The following DISP1 variants were observed in gnomAD, a reference collection of about 807,000 sequenced individuals.
DISP1 encodes dispatched RND transporter family member 1.
DISP1 carries 30 observed loss-of-function variants against 37.3 expected under a neutral mutation model. The ratio of observed to expected loss-of-function variants is 0.80; its 90% confidence interval spans 0.60 to 1.09. The LOEUF (loss-of-function observed/expected upper bound fraction) is 1.09, where lower values mean the gene tolerates loss of function less well. Ranked by LOEUF, DISP1 falls within the 50% of genes least tolerant of loss-of-function variation. The pLI is 0.00. For synonymous variants in DISP1, 634 were observed against 690.2 expected (o/e 0.92, Z 1.28); for missense variants, 1,598 against 1,879.5 (o/e 0.85, Z 2.77).
chr1:222,881,358 G>C (rs1353142942), intron 1 of DISP1, among the ~76,000 whole-genome samples: 1 of 152,044 alleles, frequency 6.6e-6, no homozygotes, highest in Admixed American at 6.5e-5. Flanking sequence ...ACCACGCCTG[G>C]CTAATTTTGT....
At chr1:222,921,108 G>A (rs1672785555) in intron 1 of DISP1, among the ~76,000 whole-genome samples, 1 of 152,100 alleles carries the variant, frequency 6.6e-6, no homozygotes. Context: ...TCAGGAGTTC[G>A]AGACCACCCT....
At chr1:222,951,126 A>G (rs184312030) in intron 3 of DISP1, among the ~76,000 whole-genome samples, 72 of 152,346 alleles carry the variant, frequency 4.7e-4, no homozygotes, top group African/African-American at 1.5e-3. Flanking sequence ...AGAGCTATAC[A>G]GAGTTAAGAA....
chr1:222,888,232 A>G (rs1670742830), intron 1 of DISP1, among the ~76,000 whole-genome samples: 3 of 152,200 alleles, frequency 2.0e-5, no homozygotes, highest in African/African-American at 7.2e-5. Flanking sequence ...AATGGAAAGA[A>G]AGTCTCGCTA....
At chr1:223,000,924 G>A (rs566028870) in intron 8 of DISP1, among the ~76,000 whole-genome samples, 42 of 152,126 alleles carry the variant, frequency 2.8e-4, no homozygotes, top group Non-Finnish European at 5.7e-4. Context: ...GAACTTTGGA[G>A]TTTCTTCCCT....
rs1679560169 is a variant in DISP1, at chr1:223,002,772, G to A, written c.1375G>A (p.Glu459Lys). 2 of 1,614,036 alleles carry A rather than the reference G, an allele frequency of 1.2e-6. No homozygotes were observed. Among genetic ancestry groups the A allele is most frequent in the Non-Finnish European group, 1.7e-6 (2 of 1,180,056 alleles). Residue 459 changes from glutamate to lysine, a missense_variant, in exon 9 of 9, where the codon GAG (glutamate) becomes AAG (lysine). Transcript: ENST00000675850. ...ATACAGCATGCTCTTCTCTCCCACA[G>A]AGAAAGGGGAGAGCATGATGAACAT... ...LKYSMLFSPT[E>K]KGESMMNIYL...
intron 3 of DISP1, among the ~76,000 whole-genome samples, chr1:222,947,410 A>T (rs933230791): frequency 2.6e-5 from 4 of 151,998 alleles, no homozygotes; most frequent in South Asian, 2.1e-4. Context: ...TCATTTTATC[A>T]GTTACATTTT....
chr1:222,974,568 G>T (rs892174646), intron 3 of DISP1, among the ~76,000 whole-genome samples: 2 of 152,046 alleles, frequency 1.3e-5, no homozygotes, highest in Non-Finnish European at 2.9e-5. Flanking sequence ...ATAGAAGCTG[G>T]CACTTTGTTC....
chr1:222,924,402 A>G (rs998524501), intron 1 of DISP1, among the ~76,000 whole-genome samples: 1 of 152,140 alleles, frequency 6.6e-6, no homozygotes, highest in Non-Finnish European at 1.5e-5. Flanking sequence ...GTAGATAAGG[A>G]GACTGTAACC....
chr1:222,998,276 G>A (rs1572733519), intron 8 of DISP1, among the ~76,000 whole-genome samples: 1 of 151,176 alleles, frequency 6.6e-6, no homozygotes, highest in Non-Finnish European at 1.5e-5. Context: ...GGAAGCACTT[G>A]ATTATTAACA....
intron 3 of DISP1, among the ~76,000 whole-genome samples, chr1:222,964,206 GGA>G (rs558348567): frequency 1.1e-3 from 170 of 151,610 alleles, no homozygotes; most frequent in African/African-American, 3.8e-3. Flanking sequence ...GCCTGAGGCA[GGA>G]GAGTCGCTTC....
At chr1:222,829,548 C>T (rs1297971245) in intron 1 of DISP1, among the ~76,000 whole-genome samples, 1 of 151,658 alleles carries the variant, frequency 6.6e-6, no homozygotes, top group Non-Finnish European at 1.5e-5. Flanking sequence ...CAGGTTCTAG[C>T]GATTCTTCTG....
chr1:222,950,908 C>G (rs1053884670), intron 3 of DISP1, among the ~76,000 whole-genome samples: 38 of 152,220 alleles, frequency 2.5e-4, no homozygotes, highest in African/African-American at 8.7e-4. Flanking sequence ...CTAAACTATA[C>G]TTACCTTTTA....
chr1:222,895,575 A>T (rs1572449996), intron 1 of DISP1, among the ~76,000 whole-genome samples: 1 of 152,210 alleles, frequency 6.6e-6, no homozygotes, highest in East Asian at 1.9e-4. Context: ...AGAATAATTA[A>T]TGTACATTTT....
At chr1:222,906,315 G>A (rs1671885184) in intron 1 of DISP1, among the ~76,000 whole-genome samples, 1 of 152,114 alleles carries the variant, frequency 6.6e-6, no homozygotes, top group African/African-American at 2.4e-5. Context: ...GATGTGCTTT[G>A]GGGGAACTTT....
At chr1:222,914,466 T>C (rs1672380803) in intron 1 of DISP1, among the ~76,000 whole-genome samples, 1 of 152,162 alleles carries the variant, frequency 6.6e-6, no homozygotes, top group Non-Finnish European at 1.5e-5. Context: ...CTTACCTCCT[T>C]TTTCATTCTT....
At chr1:222,962,170 A>C (rs1159697541) in intron 3 of DISP1, among the ~76,000 whole-genome samples, 1 of 152,226 alleles carries the variant, frequency 6.6e-6, no homozygotes, top group African/African-American at 2.4e-5. Context: ...ATCATGAATG[A>C]ACTTCCATTC....
In DISP1 at chr1:223,002,260, G is replaced by A. The variant is rs938927457; in HGVS notation, c.988-125G>A. On this transcript the variant is annotated intron_variant, in intron 8 of 8. Transcript: ENST00000675850. ...TTCAAACTGATTCCTAGTTTAAGTG[G>A]ATAATTATTTAGCTTTTGTAACTTT... 3.1e-4 allele frequency: 291 copies of A among 937,638 alleles called. 1 individual carries two copies. The highest frequency in any genetic ancestry group is 2.2e-4 in the Non-Finnish European group (129 of 574,066). 58.1% of individuals were successfully genotyped at this position (937,638 alleles called of 1,614,324 possible). A position where few individuals can be genotyped will look rare whatever the true frequency, so the allele number is the denominator to read the frequency against.
intron 1 of DISP1, among the ~76,000 whole-genome samples, chr1:222,878,036 A>G (rs191102622): frequency 1.6e-4 from 25 of 152,304 alleles, no homozygotes; most frequent in Non-Finnish European, 3.1e-4. Context: ...TGTAGTCCCC[A>G]TTGGGTAATT....
At chr1:222,840,557 C>CT (rs71176702) in intron 1 of DISP1, among the ~76,000 whole-genome samples, 26,855 of 115,734 alleles carry the variant, frequency 0.23, 3,567 homozygotes, top group Middle Eastern at 0.3. Context: ...TACAGTATCT[C>CT]TTTTTTTTTT....
Sources: allele counts gnomAD v4.1 joint callset (sites outside exome capture counted in the v4.1 genomes callset), GRCh38; gene constraint gnomAD v4.1.1; transcripts MANE v1.5; gene names NCBI Gene and HGNC (gene_info 2026-07-23, HGNC 2026-07-21).